ZNF746: variants seen among roughly 807,000 people sequenced by gnomAD.
The protein encoded by ZNF746 is parkin-interacting substrate.
Under a neutral mutation model 41.0 loss-of-function variants are expected in ZNF746, and 13 were observed. That is an observed-to-expected ratio of 0.32 (90% CI 0.21 to 0.50). ZNF746 has a LOEUF of 0.50. ZNF746 is among the 20% of genes least tolerant of loss of function. ZNF746 has a pLI of 0.98. For missense variants in ZNF746, 811 were observed against 922.9 expected (o/e 0.88, Z 1.57); for synonymous variants, 424 against 396.2 (o/e 1.07, Z -0.83).
rs1800919448 is a variant in ZNF746 at position 149,494,373 on chromosome 7, G to A, written c.155C>T (p.Thr52Ile). Residue 52 changes from threonine to isoleucine, a missense_variant, in exon 2 of 7, where the codon ACA becomes ATA. Coordinates refer to ENST00000458143, the MANE Select transcript of ZNF746 (RefSeq NM_001394198.1). The surrounding 1 kb of genome is among the most constrained non-coding windows in gnomAD (Gnocchi z 5.6). Reference sequence around the variant, plus strand: ...CAGCTGGTTCCCGAACTCCACGGCTGTCTTCTCGCAATCAGCCAGCTTCTT... The same window carrying A: ...CAGCTGGTTCCCGAACTCCACGGCTATCTTCTCGCAATCAGCCAGCTTCTT... ...AEKKLADCEK[T>I]AVEFGNQLEG... 6.2e-7 allele frequency: 1 copy of A among 1,614,014 alleles called. No individual in the cohort carries two copies. The highest frequency in any genetic ancestry group is 1.7e-5 in the Admixed American group (1 of 60,018).
At chr7:149,491,483 G>A in intron 4 of ZNF746, 1 of 183,398 alleles carries the variant, frequency 5.5e-6, no homozygotes, top group Non-Finnish European at 1.2e-5. Context: ...CAGCCCAATA[G>A]TATCTGTTCT....
chr7:149,480,462 T>C (rs1800452356), intron 4 of ZNF746, among the ~76,000 whole-genome samples: 1 of 152,116 alleles, frequency 6.6e-6, no homozygotes, highest in Admixed American at 6.5e-5. Flanking sequence ...AGATGGAGTC[T>C]CGCTCTGTTG....
In ZNF746 at chr7:149,497,528, C is replaced by A; in HGVS notation, c.9G>T (p.Glu3Asp). MA[E>D]AVAAPISPWT... ...TCGCCCTTACCGGAGCCGCGACCGC[C>A]TCGGCCATGGCCCTGCGCTGTCCCG... Residue 3 changes from glutamate to aspartate, a missense_variant, in exon 1 of 7, where the codon GAG becomes GAT. By Grantham distance (45) the Glu-to-Asp change is conservative. This residue lies in a region of ZNF746 where 147 missense variants were observed against 233.4 expected (regional missense o/e 0.63). Transcript: ENST00000458143. The surrounding 1 kb of genome is among the most constrained non-coding windows in gnomAD (Gnocchi z 4.2). 9.1e-7 allele frequency: 1 copy of A among 1,100,618 alleles called. No homozygotes were observed. 68.2% of individuals were successfully genotyped at this position (1,100,618 alleles called of 1,614,324 possible). A position where few individuals can be genotyped will look rare whatever the true frequency, so the allele number is the denominator to read the frequency against.
chr7:149,474,818 C>T lies in ZNF746; in HGVS notation c.1549G>A (p.Gly517Arg). Residue 517 changes from glycine to arginine, a missense_variant, in exon 7 of 7, where the codon GGG (glycine) becomes AGG (arginine). Gly to Arg is a moderately radical substitution (Grantham distance 125). Around this residue, in one of 4 missense-constraint regions of ZNF746, gnomAD observed 495 missense variants for 481.6 expected, o/e 1.03. Transcript: ENST00000458143. The surrounding 1 kb of genome is among the most constrained non-coding windows in gnomAD (Gnocchi z 6.3). ...GCGCTGCCATCCCGTGCGCTGCCCC[C>T]ACCGCTGCCGCCACCGCCGCCGCCA... ...GSGGGGGGSG[G>R]GSARDGSALR... is the part of the protein sequence containing the mutation. 1 of 1,454,678 alleles carries T rather than the reference C, an allele frequency of 6.9e-7. No homozygotes were observed. Among genetic ancestry groups the T allele is most frequent in the Non-Finnish European group, 9.0e-7 (1 of 1,109,840 alleles). The allele number at this position is 1,454,678 out of a possible 1,614,324, so 90.1% of individuals were successfully genotyped here. A position where few individuals can be genotyped will look rare whatever the true frequency, so the allele number is the denominator to read the frequency against.
intron 3 of ZNF746, 96 bp from the exon 4 acceptor site, chr7:149,493,068 T>C: frequency 1.2e-6 from 1 of 829,050 alleles, no homozygotes; most frequent in Non-Finnish European, 2.0e-6. Context: ...ATGAAATCTC[T>C]TGATTGTCAC....
Position 149,489,930 on chromosome 7 carries a change from G to A in ZNF746, c.565+2929C>T, listed in dbSNP as rs1401689452. On this transcript the variant is annotated intron_variant, in intron 4 of 6. Transcript: ENST00000458143. Reference sequence around the variant, plus strand: ...TAACAGAGTGGGGGGGAAGGTGCAGGAGACAGCAAGCGCAGATGTCCCCAA... The same window carrying A: ...TAACAGAGTGGGGGGGAAGGTGCAGAAGACAGCAAGCGCAGATGTCCCCAA... 3 of 131,872 alleles carry A rather than the reference G, an allele frequency of 2.3e-5. No homozygotes were observed. In the Admixed American group the frequency reaches 2.4e-4, roughly 11 times the overall value. 8.2% of individuals were successfully genotyped at this position (131,872 alleles called of 1,614,324 possible).
In ZNF746 at chr7:149,494,490, G is replaced by A. The variant is rs769965085; in HGVS notation, c.38C>T (p.Thr13Met). 3.1e-6 allele frequency: 5 copies of A among 1,613,318 alleles called. No homozygotes were observed. Among genetic ancestry groups the A allele is most frequent in the East Asian group, 4.5e-5 (2 of 44,858 alleles). Reference protein sequence around the residue: ...EAVAAPISPWTMAATIQAMER... With the variant: ...EAVAAPISPWMMAATIQAMER... ...CATGGCCTGAATCGTGGCTGCCATC[G>A]TCCACGGAGAAATCTTTCAGAAACA... The change falls in exon 2 of 7, where the codon ACG becomes ATG. Residue 13 changes from threonine (T) to methionine (M), a missense_variant. Around this residue, in one of 4 missense-constraint regions of ZNF746, gnomAD observed 147 missense variants for 233.4 expected, o/e 0.63. Coordinates refer to ENST00000458143, the MANE Select transcript of ZNF746 (RefSeq NM_001394198.1). This position sits in a 1 kb window ranked among gnomAD's most constrained non-coding sequence, Gnocchi z 5.6.
At chr7:149,487,318 T>C (rs778619520) in intron 4 of ZNF746, among the ~76,000 whole-genome samples, 17 of 152,182 alleles carry the variant, frequency 1.1e-4, no homozygotes, top group Admixed American at 3.3e-4. Flanking sequence ...TTTGATACAA[T>C]ATAACACTTG....
chr7:149,493,905 C>A, intron 3 of ZNF746, 84 bp downstream of exon 3: 1 of 1,606,890 alleles, frequency 6.2e-7, no homozygotes, highest in Non-Finnish European at 8.5e-7. Flanking sequence ...TTATATAACA[C>A]TGACATGAAA....
intron 4 of ZNF746, among the ~76,000 whole-genome samples, chr7:149,487,346 TG>T (rs1418593843): frequency 6.6e-6 from 1 of 152,220 alleles, no homozygotes; most frequent in African/African-American, 2.4e-5. Flanking sequence ...TAAAAACTTT[TG>T]GGTAGCATGG....
rs1035360545 is a variant in ZNF746, at chr7:149,477,151, G to A, written c.758-104C>T. ...CTAAACTCTGAGGTCCCCCCACTGG[G>A]GGCTTTTCTGAGTGGGCACGAGGAC... On this transcript the variant is annotated intron_variant, in intron 5 of 6. Transcript: ENST00000458143. The A allele has an allele frequency of 3.5e-6, 5 of 1,412,600 alleles. No individual in the cohort carries two copies. The Admixed American group carries it at 1.4e-4, about 38-fold the overall frequency. The allele number at this position is 1,412,600 out of a possible 1,614,324, so 87.5% of individuals were successfully genotyped here.
In ZNF746 at chr7:149,497,219, G is replaced by T. The variant is rs1453323630; in HGVS notation, c.24+294C>A. 1.2e-5 allele frequency: 12 copies of T among 983,502 alleles called. No individual in the cohort carries two copies. The highest frequency in any genetic ancestry group is 6.1e-5 in the Admixed American group (1 of 16,268). 60.9% of individuals were successfully genotyped at this position (983,502 alleles called of 1,614,324 possible). A position where few individuals can be genotyped will look rare whatever the true frequency, so the allele number is the denominator to read the frequency against. On this transcript the variant is annotated intron_variant, in intron 1 of 6. Coordinates refer to ENST00000458143, the MANE Select transcript of ZNF746 (RefSeq NM_001394198.1). The surrounding 1 kb of genome is among the most constrained non-coding windows in gnomAD (Gnocchi z 4.2). ...GGTGGGGGGGCACCCAGAAGGAGGG[G>T]ACAGCGGCTGGGGCGGGGGCAGGAA...
At position 149,497,635 on chromosome 7, in the gene ZNF746, C is replaced by A; in HGVS notation, c.-99G>T. On this transcript the variant is annotated 5_prime_UTR_variant, in exon 1 of 7. Transcript: ENST00000458143. This position sits in a 1 kb window ranked among gnomAD's most constrained non-coding sequence, Gnocchi z 4.2. ...GCCGCCCGGTGCTCTCCGCAGGCGGCGCCTGCCTGGCCTTTCCTCTGCCGC... is the reference window on the plus strand; with the variant it reads ...GCCGCCCGGTGCTCTCCGCAGGCGGAGCCTGCCTGGCCTTTCCTCTGCCGC... 2.1e-6 allele frequency: 2 copies of A among 933,314 alleles called. No individual in the cohort carries two copies. The highest frequency in any genetic ancestry group is 2.6e-6 in the Non-Finnish European group (2 of 777,416). The allele number at this position is 933,314 out of a possible 1,614,324, so 57.8% of individuals were successfully genotyped here.
chr7:149,484,105 G>A lies in ZNF746; in HGVS notation c.566-6350C>T, dbSNP rs953554762. Among the ~76,000 whole-genome samples the A allele has an allele frequency of 6.6e-5, 10 of 152,120 alleles. No individual in the cohort carries two copies. The East Asian group carries it at 1.9e-3, about 29-fold the overall frequency. On this transcript the variant is annotated intron_variant, in intron 4 of 6. Transcript: ENST00000458143. ...ACAAAGAAAACTTAAGGCTCAGGTG[G>A]CCCCACTGGTGTTTTCTACTAAATG...
At position 149,477,047 on chromosome 7, in the gene ZNF746, C is replaced by G. The variant is rs775616385; in HGVS notation, c.758G>C (p.Gly253Ala). The G allele has an allele frequency of 5.6e-6, 9 of 1,612,014 alleles. No individual in the cohort carries two copies. Among genetic ancestry groups the G allele is most frequent in the Middle Eastern group, 3.3e-4 (2 of 6,054 alleles). Residue 253 changes from glycine (G) to alanine (A), a missense_variant and splice_region_variant, in exon 6 of 7, where the codon GGT (glycine) becomes GCT (alanine). By Grantham distance (60) the Gly-to-Ala change is moderately conservative (BLOSUM62 0). Coordinates refer to ENST00000458143, the MANE Select transcript of ZNF746 (RefSeq NM_001394198.1). ...GGTGGTGGAAAAGTTGGAATGGACA[C>G]CTGCGGTAAGGGGAGAGCAGAGCCG... Reference protein sequence around the residue: ...AGDISTDATSGVHSNFSTTIP... With the variant: ...AGDISTDATSAVHSNFSTTIP...
chr7:149,497,532 G>A lies in ZNF746; in HGVS notation c.5C>T (p.Ala2Val). Residue 2 changes from alanine to valine, a missense_variant, in exon 1 of 7, where the codon GCC (alanine) becomes GTC (valine). Around this residue, in one of 4 missense-constraint regions of ZNF746, gnomAD observed 147 missense variants for 233.4 expected, o/e 0.63. Transcript: ENST00000458143. The surrounding 1 kb of genome is among the most constrained non-coding windows in gnomAD (Gnocchi z 4.2). ...CCTTACCGGAGCCGCGACCGCCTCG[G>A]CCATGGCCCTGCGCTGTCCCGCCCG... M[A>V]EAVAAPISPW... 9.1e-7 allele frequency: 1 copy of A among 1,099,782 alleles called. No individual in the cohort carries two copies. Among genetic ancestry groups the A allele is most frequent in the South Asian group, 3.4e-5 (1 of 29,230 alleles). 68.1% of individuals were successfully genotyped at this position (1,099,782 alleles called of 1,614,324 possible).
rs556918447 is a variant in ZNF746 at position 149,494,990 on chromosome 7, C to T, written c.25-487G>A. Among the ~76,000 whole-genome samples the T allele has an allele frequency of 7.3e-5, 11 of 151,012 alleles. No individual in the cohort carries two copies. Among genetic ancestry groups the T allele is most frequent in the Non-Finnish European group, 1.2e-4 (8 of 67,714 alleles). On this transcript the variant is annotated intron_variant, in intron 1 of 6. Coordinates refer to ENST00000458143, the MANE Select transcript of ZNF746 (RefSeq NM_001394198.1). This position sits in a 1 kb window ranked among gnomAD's most constrained non-coding sequence, Gnocchi z 5.6. ...GAACTGTCTACTGATGATGACCCAG[C>T]AAAAAAAACAGCTGGTTCACTGAAA...
intron 1 of ZNF746, among the ~76,000 whole-genome samples, chr7:149,496,287 CTA>C (rs1422081201): frequency 1.3e-5 from 2 of 152,316 alleles, no homozygotes; most frequent in Admixed American, 6.5e-5. Context: ...GGTCTTCACA[CTA>C]TGTGGTGGGA....
intron 4 of ZNF746, chr7:149,491,846 C>A: frequency 1.4e-6 from 1 of 700,952 alleles, no homozygotes; most frequent in Non-Finnish European, 2.6e-6. Context: ...GTCAAATGAC[C>A]CAGCAGGTCT....
Sources: gnomAD v4.1 joint callset for allele counts (sites outside exome capture counted in the v4.1 genomes callset) on GRCh38, gnomAD v4.1.1 for gene constraint, gnomAD v4.1.1 regional missense constraint, Gnocchi (gnomAD v3.1) non-coding constraint, MANE v1.5 for transcripts, NCBI Gene and HGNC (gene_info 2026-07-23, HGNC 2026-07-21) for gene names.